The following CADM2 variants were observed in gnomAD, a reference collection of about 807,000 sequenced individuals.
The protein encoded by CADM2 is immunoglobulin superfamily member 4D.
In CADM2, 12 loss-of-function variants were observed where a neutral mutation model predicts 49.8. That is an observed-to-expected ratio of 0.24 (90% CI 0.15 to 0.39). CADM2 has a LOEUF of 0.39. Ranked by LOEUF, CADM2 falls within the 10% of genes least tolerant of loss-of-function variation. The pLI is 1.00. For missense variants in CADM2, 378 were observed against 492.3 expected, an observed-to-expected ratio of 0.77 and a Z score of 2.20; for synonymous variants, 214 against 175.4, an observed-to-expected ratio of 1.22 and a Z score of -1.74.
At chr3:85,202,010 G>T (rs1182521493) in intron 1 of CADM2, among the ~76,000 whole-genome samples, 1 of 150,080 alleles carries the variant, frequency 6.7e-6, no homozygotes, top group East Asian at 2.0e-4. Flanking sequence ...AACCAGGGAG[G>T]AGGAGGTTGC....
intron 1 of CADM2, among the ~76,000 whole-genome samples, chr3:84,971,105 A>G (rs2031401142): frequency 6.6e-6 from 1 of 152,126 alleles, no homozygotes; most frequent in Admixed American, 6.6e-5. Context: ...TTTAGTCGTA[A>G]TGATTCACTT....
At position 85,026,657 on chromosome 3, in the gene CADM2, C is replaced by G. The variant is rs146113564; in HGVS notation, c.61+66989C>G. On this transcript the variant is annotated intron_variant, in intron 1 of 9. Coordinates refer to ENST00000383699, the MANE Select transcript of CADM2 (RefSeq NM_001167675.2). ...TAAGTCAGCAAAGCTAATTTTCTAT[C>G]TGTACCCCAAAAGCCAATGTACCAA... Among the ~76,000 whole-genome samples, 469 of 152,220 alleles carry G rather than the reference C, an allele frequency of 3.1e-3. 6 individuals are homozygous for G. The highest frequency in any genetic ancestry group is 0.011 in the African/African-American group (458 of 41,542).
At chr3:85,356,360 A>T (rs1048389415) in intron 1 of CADM2, among the ~76,000 whole-genome samples, 1 of 152,058 alleles carries the variant, frequency 6.6e-6, no homozygotes, top group African/African-American at 2.4e-5. Context: ...CTGTGGTGAG[A>T]TGGAGCTGAA....
chr3:85,638,805 G>A (rs987192067), intron 1 of CADM2, among the ~76,000 whole-genome samples: 1 of 151,622 alleles, frequency 6.6e-6, no homozygotes, highest in Non-Finnish European at 1.5e-5. Flanking sequence ...TATAATATCA[G>A]CAAATCACAG....
At chr3:85,412,381 A>C (rs564529099) in intron 1 of CADM2, among the ~76,000 whole-genome samples, 1 of 152,314 alleles carries the variant, frequency 6.6e-6, no homozygotes, top group Admixed American at 6.5e-5. Context: ...AATTGACAAT[A>C]TATAGTAACT....
intron 1 of CADM2, among the ~76,000 whole-genome samples, chr3:85,408,028 A>AAG (rs1553719408): frequency 4.1e-4 from 62 of 150,468 alleles, no homozygotes; most frequent in Non-Finnish European, 8.1e-4. Flanking sequence ...AAAAAAAAAA[A>AAG]AAGAAGAAGA....
At chr3:85,612,377 T>C (rs1228026441) in intron 1 of CADM2, among the ~76,000 whole-genome samples, 2 of 151,856 alleles carry the variant, frequency 1.3e-5, no homozygotes, top group African/African-American at 4.8e-5. Context: ...GGTTTCTAAT[T>C]CCATTTTCTT....
intron 1 of CADM2, among the ~76,000 whole-genome samples, chr3:85,098,874 T>C (rs2037905824): frequency 6.6e-6 from 1 of 152,194 alleles, no homozygotes; most frequent in South Asian, 2.1e-4. Flanking sequence ...TGTTCATGGA[T>C]CAACTGTAAT....
intron 1 of CADM2, among the ~76,000 whole-genome samples, chr3:85,157,427 T>G (rs2040165187): frequency 6.6e-6 from 1 of 152,102 alleles, no homozygotes; most frequent in Non-Finnish European, 1.5e-5. Flanking sequence ...TCACACTACC[T>G]GACTTCAAAC....
intron 1 of CADM2, among the ~76,000 whole-genome samples, chr3:85,378,704 A>G (rs1559809413): frequency 1.3e-5 from 2 of 151,938 alleles, no homozygotes; most frequent in South Asian, 2.1e-4. Context: ...CTAAAAGACA[A>G]TGAACTCTGG....
At chr3:85,904,635 T>C (rs546278463) in intron 5 of CADM2, among the ~76,000 whole-genome samples, 2 of 152,192 alleles carry the variant, frequency 1.3e-5, no homozygotes, top group South Asian at 2.1e-4. Context: ...TGTATGTGTG[T>C]TTTAGAATAG....
At position 86,024,071 on chromosome 3, in the gene CADM2, A is replaced by G. The variant is rs137942215; in HGVS notation, c.971-41534A>G. On this transcript the variant is annotated intron_variant, in intron 8 of 9. Coordinates refer to ENST00000383699, the MANE Select transcript of CADM2 (RefSeq NM_001167675.2). ...CCAAAGAAATATTTACAATTTGATC[A>G]ACTGAATCGCATTAATATGCAAATA... Among the ~76,000 whole-genome samples, 564 of 152,342 alleles carry G rather than the reference A, an allele frequency of 3.7e-3. 1 individual carries two copies. The highest frequency in any genetic ancestry group is 5.2e-3 in the Non-Finnish European group (351 of 68,036).
chr3:86,014,532 T>C, intron 8 of CADM2: 1 of 1,573,026 alleles, frequency 6.4e-7, no homozygotes, highest in African/African-American at 1.3e-5. Context: ...TAACTTGGAA[T>C]CTCAGCTAGC....
chr3:85,678,760 C>A (rs1047409791), intron 1 of CADM2, among the ~76,000 whole-genome samples: 21 of 152,216 alleles, frequency 1.4e-4, no homozygotes, highest in Admixed American at 6.5e-4. Flanking sequence ...TTTATTTATT[C>A]AATTATTCAT....
At chr3:85,830,555 T>C (rs2074137760) in intron 3 of CADM2, among the ~76,000 whole-genome samples, 1 of 151,950 alleles carries the variant, frequency 6.6e-6, no homozygotes, top group Admixed American at 6.6e-5. Context: ...GTTTTTGCTT[T>C]TGTTGCTCAG....
intron 1 of CADM2, among the ~76,000 whole-genome samples, chr3:85,584,264 T>C (rs2062874741): frequency 6.6e-6 from 1 of 152,074 alleles, no homozygotes; most frequent in Non-Finnish European, 1.5e-5. Flanking sequence ...AAGCAGTCTG[T>C]AGAATACTGA....
intron 1 of CADM2, among the ~76,000 whole-genome samples, chr3:85,380,432 T>C (rs933310759): frequency 2.6e-5 from 4 of 151,988 alleles, no homozygotes; most frequent in Admixed American, 1.3e-4. Flanking sequence ...TCTTAGAGTG[T>C]AGAAGTTAAT....
At chr3:85,487,546 C>A (rs1484352446) in intron 1 of CADM2, among the ~76,000 whole-genome samples, 54 of 102,418 alleles carry the variant, frequency 5.3e-4, no homozygotes, top group African/African-American at 1.7e-3. Context: ...AGGAGGAGGA[C>A]GAGGAGGAGG....
rs145195298 is a variant in CADM2, at chr3:85,007,743, G to A, written c.61+48075G>A. Reference sequence around the variant, plus strand: ...TCTGAGATTGAATCATAGTTTGTGTGCCTGTAGAGGAGGCTGGCAATTCTG... The same window carrying A: ...TCTGAGATTGAATCATAGTTTGTGTACCTGTAGAGGAGGCTGGCAATTCTG... On this transcript the variant is annotated intron_variant, in intron 1 of 9. Coordinates refer to ENST00000383699, the MANE Select transcript of CADM2 (RefSeq NM_001167675.2). Among the ~76,000 whole-genome samples, 21 of 152,288 alleles carry A rather than the reference G, an allele frequency of 1.4e-4. No individual in the cohort carries two copies. In the East Asian group the frequency reaches 2.9e-3, roughly 21 times the overall value.
Sources: gnomAD v4.1 joint callset for allele counts (sites outside exome capture counted in the v4.1 genomes callset) on GRCh38, gnomAD v4.1.1 for gene constraint, MANE v1.5 for transcripts, NCBI Gene and HGNC (gene_info 2026-07-23, HGNC 2026-07-21) for gene names.